Variants in COL22A1 observed in about 807,000 individuals in gnomAD.
The protein encoded by COL22A1 is collagen alpha-1(XXII) chain.
In COL22A1, 221 loss-of-function variants were observed where a neutral mutation model predicts 248.9. That is an observed-to-expected ratio of 0.89 (90% confidence interval 0.80 to 0.99). The LOEUF (loss-of-function observed/expected upper bound fraction) is 0.99. COL22A1 is among the 50% of genes least tolerant of loss of function. COL22A1 has a pLI of 0.00. For synonymous variants in COL22A1, 891 were observed against 793.4 expected, an observed-to-expected ratio of 1.12 and a Z score of -2.07; for missense variants, 2,240 against 2,179.0, an observed-to-expected ratio of 1.03 and a Z score of -0.56.
At chr8:138,751,003 T>TAA (rs1832549213) in intron 22 of COL22A1, among the ~76,000 whole-genome samples, 1 of 11,106 alleles carries the variant, frequency 9.0e-5, no homozygotes, top group Non-Finnish European at 1.5e-4. Flanking sequence ...AAACAGGTGC[T>TAA]TAATTAATTA....
In COL22A1 at chr8:138,646,700, GA is replaced by G. The variant is rs144615970; in HGVS notation, c.3448-19del. 3.7e-4 allele frequency: 554 copies of G among 1,513,740 alleles called. No homozygotes were observed. Among genetic ancestry groups the G allele is most frequent in the Non-Finnish European group, 4.2e-4 (472 of 1,122,606 alleles). 93.8% of individuals were successfully genotyped at this position (1,513,740 alleles called of 1,614,324 possible). ...GCCTCTCCCTGTATCAGGGATACAAGAAAAAAAAAGAAAACAAGAATGAGTA... is the reference window on the plus strand; with the variant it reads ...GCCTCTCCCTGTATCAGGGATACAAGAAAAAAAAGAAAACAAGAATGAGTA... On this transcript the variant is annotated intron_variant, in intron 46 of 64. Coordinates refer to ENST00000303045, the MANE Select transcript of COL22A1 (RefSeq NM_152888.3).
At chr8:138,751,337 A>T in intron 22 of COL22A1, 121 bp downstream of exon 22, 1 of 671,384 alleles carries the variant, frequency 1.5e-6, no homozygotes, top group Non-Finnish European at 2.6e-6. Context: ...CCTTCATTCT[A>T]CTTCCAATAT....
At chr8:138,670,960 CAAAAAAAAAAAAA>C (rs60845059) in intron 41 of COL22A1, among the ~76,000 whole-genome samples, 2 of 55,380 alleles carry the variant, frequency 3.6e-5, no homozygotes, top group African/African-American at 1.3e-4. Context: ...GACCTTGTCT[CAAAAAAAAAAAAA>C]AAAAAAAAAA....
intron 3 of COL22A1, among the ~76,000 whole-genome samples, chr8:138,865,925 ATG>A (rs1005324903): frequency 1.6e-4 from 19 of 115,424 alleles, no homozygotes; most frequent in African/African-American, 7.5e-4. Context: ...GTGAGTGTAT[ATG>A]TGTGTGTATG....
At chr8:138,696,680 G>C (rs1177188098) in intron 32 of COL22A1, among the ~76,000 whole-genome samples, 1 of 152,160 alleles carries the variant, frequency 6.6e-6, no homozygotes, top group Non-Finnish European at 1.5e-5. Flanking sequence ...GAACCGACAT[G>C]GTCTACCTCG....
chr8:138,722,169 A>G, intron 25 of COL22A1, 80 bp from the exon 26 acceptor site: 1 of 1,308,692 alleles, frequency 7.6e-7, no homozygotes, highest in Non-Finnish European at 1.0e-6. Flanking sequence ...TCAAACCAGG[A>G]GCTGTTTTTG....
At chr8:138,759,393 T>A (rs1016239631) in intron 18 of COL22A1, among the ~76,000 whole-genome samples, 3 of 152,226 alleles carry the variant, frequency 2.0e-5, no homozygotes, top group Non-Finnish European at 2.9e-5. Flanking sequence ...TGAGCTGAGC[T>A]GGATGTCTCC....
At chr8:138,867,324 A>G (rs1822976617) in intron 3 of COL22A1, among the ~76,000 whole-genome samples, 1 of 152,168 alleles carries the variant, frequency 6.6e-6, no homozygotes. Context: ...AAGACAGATG[A>G]ACTTCTCGAC....
chr8:138,678,339 C>T (rs1825721716), intron 40 of COL22A1, among the ~76,000 whole-genome samples: 1 of 152,142 alleles, frequency 6.6e-6, no homozygotes, highest in Admixed American at 6.5e-5. Flanking sequence ...TCCCCTGGTC[C>T]CTCTGGGCCT....
chr8:138,738,062 T>G (rs1831260718), intron 22 of COL22A1, among the ~76,000 whole-genome samples: 2 of 152,150 alleles, frequency 1.3e-5, no homozygotes, highest in Admixed American at 1.3e-4. Flanking sequence ...AAACTTTGCT[T>G]CTTTGTTTCC....
intron 12 of COL22A1, among the ~76,000 whole-genome samples, chr8:138,782,762 G>A (rs577724245): frequency 6.6e-6 from 1 of 152,078 alleles, no homozygotes. Context: ...CTCTGCTGTG[G>A]GAACAGAATT....
intron 64 of COL22A1, among the ~76,000 whole-genome samples, chr8:138,590,041 A>G (rs1046266124): frequency 6.6e-6 from 1 of 152,004 alleles, no homozygotes; most frequent in Non-Finnish European, 1.5e-5. Flanking sequence ...AAATAGTCCA[A>G]AATTGAGACC....
chr8:138,598,196 C>T (rs532275947), intron 61 of COL22A1, among the ~76,000 whole-genome samples: 8 of 152,238 alleles, frequency 5.3e-5, no homozygotes, highest in African/African-American at 1.9e-4. Flanking sequence ...AAAAAACCAT[C>T]ATCACTCTAA....
intron 4 of COL22A1, among the ~76,000 whole-genome samples, chr8:138,842,151 G>T (rs1017213239): frequency 5.9e-5 from 9 of 152,190 alleles, no homozygotes; most frequent in African/African-American, 2.2e-4. Context: ...TCAGGCAAGT[G>T]GCTCAATCTC....
intron 16 of COL22A1, among the ~76,000 whole-genome samples, chr8:138,766,952 C>T (rs1254122102): frequency 6.6e-6 from 1 of 152,194 alleles, no homozygotes; most frequent in African/African-American, 2.4e-5. Context: ...GGCTTCGGCT[C>T]CTGCAGACTG....
intron 53 of COL22A1, among the ~76,000 whole-genome samples, chr8:138,618,104 C>T (rs747160159): frequency 3.0e-4 from 45 of 152,310 alleles, no homozygotes; most frequent in African/African-American, 3.8e-4. Flanking sequence ...CTGCTGGGAA[C>T]GTTACATGTC....
chr8:138,861,058 C>T (rs1822419553), intron 3 of COL22A1, among the ~76,000 whole-genome samples: 1 of 152,192 alleles, frequency 6.6e-6, no homozygotes, highest in Non-Finnish European at 1.5e-5. Context: ...CACCCCACTC[C>T]ACCCCCAGGT....
At chr8:138,664,207 G>GCACA (rs1389915577) in intron 41 of COL22A1, among the ~76,000 whole-genome samples, 114 of 87,588 alleles carry the variant, frequency 1.3e-3, no homozygotes, top group African/African-American at 4.0e-3. Flanking sequence ...GCGCGCGCGC[G>GCACA]CGCACACACA....
In COL22A1 at chr8:138,811,780, G is replaced by A. The variant is rs2131697667; in HGVS notation, c.1449+19C>T. On this transcript the variant is annotated intron_variant, in intron 9 of 64. Transcript: ENST00000303045. ...CACCCAGGGTTCTGCTGGGGCTGAA[G>A]GTGGACTGCAGACAATACCTTCTCT... is the stretch of plus-strand genomic sequence containing the variant. 6.2e-7 allele frequency: 1 copy of A among 1,612,686 alleles called. No individual in the cohort carries two copies. Among genetic ancestry groups the A allele is most frequent in the Non-Finnish European group, 8.5e-7 (1 of 1,179,788 alleles).
Sources: gnomAD v4.1 joint callset for allele counts (sites outside exome capture counted in the v4.1 genomes callset) on GRCh38, gnomAD v4.1.1 for gene constraint, MANE v1.5 for transcripts, NCBI Gene and HGNC (gene_info 2026-07-23, HGNC 2026-07-21) for gene names.